KLF12: variants seen among roughly 807,000 people sequenced by gnomAD.
KLF12 encodes the protein Krueppel-like factor 12.
Under a neutral mutation model 37.8 loss-of-function variants are expected in KLF12, and 9 were observed. That is an observed-to-expected ratio of 0.24 (90% CI 0.14 to 0.42). KLF12 has a LOEUF of 0.42. Among genes scored for constraint, KLF12 ranks in the 10% least tolerant of loss-of-function variants. The probability of loss-of-function intolerance (pLI) is 1.00; values close to 1 mark genes in which losing one functional copy is unlikely to be tolerated. For synonymous variants in KLF12, 208 were observed against 202.1 expected (o/e 1.03, Z -0.25); for missense variants, 411 against 516.0 (o/e 0.80, Z 1.97).
At chr13:74,154,329 C>A in the KLF12 span, among the ~76,000 whole-genome samples, 1 of 152,060 alleles carries the variant, frequency 6.6e-6, no homozygotes, top group Non-Finnish European at 1.5e-5. Context: ...AAAATATTAT[C>A]CTCCTTTTAT....
the KLF12 span, among the ~76,000 whole-genome samples, chr13:74,237,954 T>C: frequency 1.0e-3 from 152 of 151,420 alleles, 1 homozygote; most frequent in African/African-American, 3.4e-3. Flanking sequence ...CTGATTGCCC[T>C]GGCCAGAACT....
the KLF12 span, among the ~76,000 whole-genome samples, chr13:74,305,781 G>A: frequency 6.6e-6 from 1 of 151,914 alleles, no homozygotes; most frequent in African/African-American, 2.4e-5. Context: ...TAAATTGCTG[G>A]GGAGTAAAAG....
the KLF12 span, among the ~76,000 whole-genome samples, chr13:74,243,309 A>G: frequency 1.3e-5 from 2 of 152,074 alleles, no homozygotes; most frequent in Admixed American, 1.3e-4. Context: ...GCTGCATAGT[A>G]TTCCATGGTG....
chr13:74,198,214 G>A, the KLF12 span, among the ~76,000 whole-genome samples: 1 of 152,116 alleles, frequency 6.6e-6, no homozygotes, highest in African/African-American at 2.4e-5. Flanking sequence ...ACCCAGGCGG[G>A]GAAAGAAGTG....
At chr13:74,233,066 G>T in the KLF12 span, among the ~76,000 whole-genome samples, 5 of 151,868 alleles carry the variant, frequency 3.3e-5, no homozygotes, top group African/African-American at 1.2e-4. Flanking sequence ...TTTGTATTTT[G>T]TAGAGACAGG....
At chr13:73,730,966 T>A (rs1877014823) in intron 6 of KLF12, among the ~76,000 whole-genome samples, 1 of 152,120 alleles carries the variant, frequency 6.6e-6, no homozygotes, top group African/African-American at 2.4e-5. Context: ...AGAAGGAAAA[T>A]TCTGGCTTAT....
chr13:74,011,323 A>T (rs1892546460), intron 1 of KLF12, among the ~76,000 whole-genome samples: 1 of 152,050 alleles, frequency 6.6e-6, no homozygotes, highest in African/African-American at 2.4e-5. Context: ...GCAAAATGCT[A>T]GAACTGCTAG....
At chr13:74,072,364 A>AATATATACATAT (rs1874303750) in intron 1 of KLF12, among the ~76,000 whole-genome samples, 1 of 63,064 alleles carries the variant, frequency 1.6e-5, no homozygotes, top group Non-Finnish European at 3.2e-5. Flanking sequence ...AAGAAATACA[A>AATATATACATAT]ATATATATAT....
chr13:74,027,035 G>T (rs1214421963), intron 1 of KLF12, among the ~76,000 whole-genome samples: 2 of 152,152 alleles, frequency 1.3e-5, no homozygotes, highest in South Asian at 2.1e-4. Context: ...CAACAGCAGA[G>T]CAGAAAGAGC....
intron 3 of KLF12, among the ~76,000 whole-genome samples, chr13:73,861,189 T>A (rs763335959): frequency 6.6e-6 from 1 of 152,192 alleles, no homozygotes; most frequent in Non-Finnish European, 1.5e-5. Context: ...GTGTAATACA[T>A]GGCATGAAGG....
At position 74,054,955 on chromosome 13, in the gene KLF12, C is replaced by T. The variant is rs919600391; in HGVS notation, c.-31-59902G>A. ...TTTGTATGGACACATGACATTTATT[C>T]CAAAACATGATAATACAGCATCACA... On this transcript the variant is annotated intron_variant, in intron 1 of 7. Coordinates refer to ENST00000377669, the MANE Select transcript of KLF12 (RefSeq NM_007249.5). Among the ~76,000 whole-genome samples, 38 of 152,060 alleles carry T rather than the reference C, an allele frequency of 2.5e-4. 2 individuals are homozygous for T. The highest frequency in any genetic ancestry group is 1.6e-4 in the Non-Finnish European group (11 of 68,002).
intron 3 of KLF12, among the ~76,000 whole-genome samples, chr13:73,855,367 C>T (rs963759695): frequency 2.0e-5 from 3 of 152,058 alleles, no homozygotes; most frequent in Non-Finnish European, 2.9e-5. Context: ...CATGTTAGTT[C>T]GCTTAGGATA....
intron 2 of KLF12, among the ~76,000 whole-genome samples, chr13:73,954,362 T>A (rs1890762200): frequency 6.6e-6 from 1 of 152,216 alleles, no homozygotes; most frequent in Non-Finnish European, 1.5e-5. Flanking sequence ...TGTGCTTATA[T>A]GTAATTTTAT....
chr13:73,794,472 T>C (rs1263246739), intron 5 of KLF12, among the ~76,000 whole-genome samples: 4 of 152,048 alleles, frequency 2.6e-5, no homozygotes, highest in Non-Finnish European at 5.9e-5. Context: ...AAGATACAAA[T>C]AAAATAATAA....
At chr13:74,069,350 T>A (rs1054373467) in intron 1 of KLF12, among the ~76,000 whole-genome samples, 2 of 152,194 alleles carry the variant, frequency 1.3e-5, no homozygotes, top group East Asian at 3.8e-4. Context: ...TGGAAAAGAT[T>A]CTGTTAAGCA....
chr13:73,726,464 A>T (rs1876681384), intron 6 of KLF12, among the ~76,000 whole-genome samples: 1 of 152,192 alleles, frequency 6.6e-6, no homozygotes, highest in Non-Finnish European at 1.5e-5. Flanking sequence ...AGTCCTTGGC[A>T]AGGACTAATC....
chr13:73,841,669 T>C (rs1884741419), intron 4 of KLF12, among the ~76,000 whole-genome samples: 2 of 152,174 alleles, frequency 1.3e-5, no homozygotes, highest in South Asian at 2.1e-4. Flanking sequence ...ATGTCTTAGA[T>C]TGCACAGTAT....
At chr13:73,703,439 T>C (rs1258776457) in intron 7 of KLF12, among the ~76,000 whole-genome samples, 1 of 152,120 alleles carries the variant, frequency 6.6e-6, no homozygotes, top group African/African-American at 2.4e-5. Context: ...ATAATGTCCA[T>C]TTGGTCCTGT....
the KLF12 span, among the ~76,000 whole-genome samples, chr13:74,244,658 A>ATG: frequency 2.0e-5 from 3 of 152,232 alleles, no homozygotes; most frequent in African/African-American, 7.2e-5. Flanking sequence ...TTGGGGGCAT[A>ATG]GCCTGAAGTG....
Sources: gnomAD v4.1 joint callset for allele counts (sites outside exome capture counted in the v4.1 genomes callset) on GRCh38, gnomAD v4.1.1 for gene constraint, MANE v1.5 for transcripts, NCBI Gene and HGNC (gene_info 2026-07-23, HGNC 2026-07-21) for gene names.